AK9: variants seen among roughly 807,000 people sequenced by gnomAD.
AK9 encodes the protein adenylate kinase domain containing 1.
A neutral mutation model predicts 239.6 loss-of-function variants in AK9; 191 were observed. The ratio of observed to expected loss-of-function variants is 0.80; its 90% confidence interval spans 0.71 to 0.90. AK9 has a LOEUF of 0.90. AK9 is among the 40% of genes least tolerant of loss of function. AK9 has a pLI of 0.00. For synonymous variants in AK9, 689 were observed against 721.0 expected, an observed-to-expected ratio of 0.96 and a Z score of 0.71; for missense variants, 1,995 against 2,214.7, an observed-to-expected ratio of 0.90 and a Z score of 1.99.
chr6:109,679,168 T>C (rs1445378162), intron 1 of AK9, among the ~76,000 whole-genome samples: 1 of 152,092 alleles, frequency 6.6e-6, no homozygotes, highest in African/African-American at 2.4e-5. Flanking sequence ...GCTCAGCGGA[T>C]CCCACCCCCA....
At position 109,604,059 on chromosome 6, in the gene AK9, G is replaced by A. The variant is rs576823433; in HGVS notation, c.1842+6306C>T. On this transcript the variant is annotated intron_variant, in intron 17 of 40. Transcript: ENST00000424296. ...CTTCACCGTGCTTCAGCTCATGCTC[G>A]GTGCACTGCCCCCACTATCCTGCAC... Among the ~76,000 whole-genome samples, 425 of 152,090 alleles carry A rather than the reference G, an allele frequency of 2.8e-3. 1 individual carries two copies. The highest frequency in any genetic ancestry group is 9.7e-3 in the African/African-American group (403 of 41,500).
intron 8 of AK9, among the ~76,000 whole-genome samples, chr6:109,654,869 A>G (rs1391595450): frequency 6.6e-6 from 1 of 152,140 alleles, no homozygotes; most frequent in Non-Finnish European, 1.5e-5. Flanking sequence ...TATCTCTTGG[A>G]GACACACTGA....
intron 29 of AK9, among the ~76,000 whole-genome samples, chr6:109,519,692 G>A (rs1779633105): frequency 6.6e-6 from 1 of 151,946 alleles, no homozygotes; most frequent in Non-Finnish European, 1.5e-5. Context: ...GCTACTTGGA[G>A]GCTGAGACAG....
Position 109,515,958 on chromosome 6 carries a change from T to G in AK9, c.3964A>C (p.Ile1322Leu), listed in dbSNP as rs961758423. The change falls in exon 31 of 41, where the codon ATT becomes CTT. Residue 1322 changes from isoleucine to leucine, a missense_variant. Around this residue, in one of 5 missense-constraint regions of AK9, gnomAD observed 1,290 missense variants for 1,392.7 expected, o/e 0.93. Coordinates refer to ENST00000424296, the MANE Select transcript of AK9 (RefSeq NM_001145128.3). ...GGTATTGGATGACATTTCTCAAAAA[T>G]GCTTGCACGATTTTCCACCAGTGGT... is the stretch of plus-strand genomic sequence containing the variant. ...LKPLVENRASIFEKCHPIPAP... is the reference protein window; with the variant it reads ...LKPLVENRASLFEKCHPIPAP... 6.4e-6 allele frequency: 10 copies of G among 1,551,580 alleles called. No individual in the cohort carries two copies. The highest frequency in any genetic ancestry group is 1.4e-5 in the African/African-American group (1 of 73,040).
intron 1 of AK9, among the ~76,000 whole-genome samples, chr6:109,684,830 C>G (rs1313252713): frequency 2.2e-4 from 27 of 124,782 alleles, no homozygotes; most frequent in Non-Finnish European, 3.5e-4. Context: ...GCCGAGATCC[C>G]GCCACTGCAC....
intron 17 of AK9, among the ~76,000 whole-genome samples, chr6:109,600,425 A>T (rs548724790): frequency 7.2e-5 from 11 of 152,356 alleles, no homozygotes; most frequent in Non-Finnish European, 1.5e-4. Context: ...CCAGGGATGA[A>T]GCCCACTTGA....
intron 16 of AK9, among the ~76,000 whole-genome samples, chr6:109,611,732 T>C (rs2128239827): frequency 6.6e-6 from 1 of 152,280 alleles, no homozygotes; most frequent in South Asian, 2.1e-4. Flanking sequence ...TTGTGGCCTA[T>C]TATAGTAGCT....
chr6:109,493,159 A>G lies in AK9; in HGVS notation c.*210T>C, dbSNP rs368840972. 4.3e-6 allele frequency: 2 copies of G among 460,310 alleles called. No individual in the cohort carries two copies. The highest frequency in any genetic ancestry group is 7.7e-6 in the Non-Finnish European group (2 of 261,258). 28.5% of individuals were successfully genotyped at this position (460,310 alleles called of 1,614,324 possible). A position where few individuals can be genotyped will look rare whatever the true frequency, so the allele number is the denominator to read the frequency against. ...TCAAAGTTCAGGCAAAGAGCAATAC[A>G]TTTTAAAATTGTATTAAAACTTGTT... On this transcript the variant is annotated 3_prime_UTR_variant, in exon 41 of 41. Coordinates refer to ENST00000424296, the MANE Select transcript of AK9 (RefSeq NM_001145128.3).
chr6:109,632,687 C>A, intron 12 of AK9: 1 of 1,028,756 alleles, frequency 9.7e-7, no homozygotes. Context: ...CATGTGGGAG[C>A]TTTTGGGAAG....
chr6:109,580,303 C>T (rs1489527787), intron 19 of AK9, among the ~76,000 whole-genome samples: 1 of 151,976 alleles, frequency 6.6e-6, no homozygotes, highest in Non-Finnish European at 1.5e-5. Flanking sequence ...AGCACCAAAC[C>T]GGCCTTAACG....
intron 17 of AK9, among the ~76,000 whole-genome samples, chr6:109,594,707 C>T (rs1176892887): frequency 1.3e-5 from 2 of 152,164 alleles, no homozygotes; most frequent in Non-Finnish European, 2.9e-5. Flanking sequence ...AATAACACCA[C>T]ACATCTACAA....
At chr6:109,651,471 G>A (rs1296307113) in intron 8 of AK9, among the ~76,000 whole-genome samples, 2 of 152,150 alleles carry the variant, frequency 1.3e-5, no homozygotes, top group Non-Finnish European at 2.9e-5. Context: ...AAGCAGGAAC[G>A]ATCTAAAATC....
intron 1 of AK9, among the ~76,000 whole-genome samples, chr6:109,687,171 C>T (rs1210727862): frequency 5.3e-5 from 8 of 152,182 alleles, no homozygotes; most frequent in Admixed American, 5.2e-4. Flanking sequence ...GCAGGCAGAG[C>T]TTTAAGCAGT....
chr6:109,613,369 A>T (rs1296101011), intron 15 of AK9, among the ~76,000 whole-genome samples: 1 of 151,956 alleles, frequency 6.6e-6, no homozygotes, highest in Admixed American at 6.6e-5. Flanking sequence ...TAGTCACCTC[A>T]AAAAAGAAGA....
intron 10 of AK9, among the ~76,000 whole-genome samples, chr6:109,638,742 G>C (rs971661110): frequency 1.3e-5 from 2 of 152,178 alleles, no homozygotes; most frequent in Non-Finnish European, 2.9e-5. Context: ...ATGGTGGTCT[G>C]ATGCACCCAT....
intron 26 of AK9, among the ~76,000 whole-genome samples, chr6:109,543,025 C>A (rs1306530754): frequency 6.6e-6 from 1 of 152,028 alleles, no homozygotes; most frequent in Non-Finnish European, 1.5e-5. Context: ...TATTATCTCT[C>A]CAACCTAGAT....
chr6:109,610,810 C>T (rs1793493388), intron 16 of AK9, among the ~76,000 whole-genome samples: 1 of 152,030 alleles, frequency 6.6e-6, no homozygotes, highest in Admixed American at 6.6e-5. Flanking sequence ...ATGTAGGGGC[C>T]AGAGGATTCC....
chr6:109,684,640 C>T (rs1394606198), intron 1 of AK9, among the ~76,000 whole-genome samples: 2 of 150,536 alleles, frequency 1.3e-5, no homozygotes, highest in East Asian at 2.0e-4. Flanking sequence ...TTTGGGAGGC[C>T]GAGGCGGGCG....
At chr6:109,562,172 T>G (rs926804170) in intron 24 of AK9, among the ~76,000 whole-genome samples, 1 of 152,248 alleles carries the variant, frequency 6.6e-6, no homozygotes, top group African/African-American at 2.4e-5. Flanking sequence ...AATAGGCTGC[T>G]TGAAGTTGTC....
Sources: allele counts gnomAD v4.1 joint callset (sites outside exome capture counted in the v4.1 genomes callset), GRCh38; gene constraint gnomAD v4.1.1; regional missense constraint gnomAD v4.1.1; transcripts MANE v1.5; gene names NCBI Gene and HGNC (gene_info 2026-07-23, HGNC 2026-07-21).